Variants in LEKR1 observed in about 807,000 individuals in gnomAD.
LEKR1 encodes protein LEKR1.
Under a neutral mutation model 72.4 loss-of-function variants are expected in LEKR1, and 59 were observed. The observed-to-expected ratio is 0.82, with a 90% confidence interval of 0.66 to 1.01. LEKR1 has a LOEUF of 1.01. LEKR1 is among the 50% of genes least tolerant of loss of function. LEKR1 has a pLI of 0.00. For missense variants in LEKR1, 728 were observed against 759.2 expected (o/e 0.96, Z 0.48); for synonymous variants, 257 against 263.2 (o/e 0.98, Z 0.23).
chr3:156,837,694 A>G (rs920274296), intron 2 of LEKR1, among the ~76,000 whole-genome samples: 8 of 152,238 alleles, frequency 5.3e-5, no homozygotes, highest in Admixed American at 3.3e-4. Context: ...GATTTGCTAC[A>G]GCCTCAGACT....
At chr3:156,941,762 ATG>A (rs1489529894) in intron 5 of LEKR1, among the ~76,000 whole-genome samples, 1 of 152,078 alleles carries the variant, frequency 6.6e-6, no homozygotes, top group Non-Finnish European at 1.5e-5. Context: ...GTGTGTGTTC[ATG>A]TGTTTTAATG....
intron 2 of LEKR1, among the ~76,000 whole-genome samples, chr3:156,847,627 T>G (rs554334378): frequency 1.3e-5 from 2 of 152,318 alleles, no homozygotes; most frequent in South Asian, 4.1e-4. Flanking sequence ...TTTGAAAGGG[T>G]TATTACATTT....
chr3:156,878,070 C>T (rs186082186), intron 3 of LEKR1, among the ~76,000 whole-genome samples: 12 of 151,918 alleles, frequency 7.9e-5, no homozygotes, highest in African/African-American at 2.2e-4. Context: ...TGTGAGCCAC[C>T]GCACTGCCCA....
At chr3:156,845,574 C>A (rs1436751042) in intron 2 of LEKR1, among the ~76,000 whole-genome samples, 1 of 151,812 alleles carries the variant, frequency 6.6e-6, no homozygotes, top group Non-Finnish European at 1.5e-5. Context: ...ATTGTACCAG[C>A]ACCATTTGTT....
At chr3:156,887,315 CTTGAGG>C (rs1720208541) in intron 3 of LEKR1, among the ~76,000 whole-genome samples, 1 of 151,672 alleles carries the variant, frequency 6.6e-6, no homozygotes, top group African/African-American at 2.4e-5. Flanking sequence ...TTGGTGGGCC[CTTGAGG>C]TGCACAGTGC....
At position 157,002,499 on chromosome 3, in the gene LEKR1, C is replaced by T. The variant is rs74703155; in HGVS notation, c.1110-8914C>T. On this transcript the variant is annotated intron_variant, in intron 9 of 12. Transcript: ENST00000356539. Reference sequence around the variant, plus strand: ...TCACACATATAATCATTCCTGTATACGTTACTCACTGCCCATTCCATTCTA... The same window carrying T: ...TCACACATATAATCATTCCTGTATATGTTACTCACTGCCCATTCCATTCTA... 3.4e-4 allele frequency among the ~76,000 whole-genome samples: 52 copies of T among 152,112 alleles called. 1 individual carries two copies. The East Asian group carries it at 9.6e-3, about 28-fold the overall frequency.
chr3:157,028,809 C>T (rs17449793), intron 12 of LEKR1, among the ~76,000 whole-genome samples: 5,076 of 152,244 alleles, frequency 0.033, 101 homozygotes, highest in Admixed American at 0.043. Flanking sequence ...CTTTTAAACA[C>T]AATTTTACCT....
At chr3:156,910,225 A>AAT (rs1187351061) in intron 3 of LEKR1, among the ~76,000 whole-genome samples, 4 of 152,196 alleles carry the variant, frequency 2.6e-5, no homozygotes, top group African/African-American at 9.6e-5. Context: ...TTGAGGTATG[A>AAT]ATAATTCTGT....
chr3:156,827,934 AT>A (rs1350717381), intron 1 of LEKR1, among the ~76,000 whole-genome samples: 1 of 152,216 alleles, frequency 6.6e-6, no homozygotes, highest in East Asian at 1.9e-4. Context: ...TGAAGTTACT[AT>A]TTCATTTTAC....
intron 9 of LEKR1, among the ~76,000 whole-genome samples, chr3:156,998,259 A>C (rs1350691981): frequency 6.6e-6 from 1 of 152,042 alleles, no homozygotes; most frequent in Non-Finnish European, 1.5e-5. Flanking sequence ...ACCTAATTCC[A>C]TCCTTAGGGA....
intron 6 of LEKR1, among the ~76,000 whole-genome samples, chr3:156,976,942 G>GT (rs1210795542): frequency 6.6e-6 from 1 of 152,160 alleles, no homozygotes; most frequent in African/African-American, 2.4e-5. Flanking sequence ...TACCTAATAA[G>GT]TTTTTTCAGA....
intron 12 of LEKR1, among the ~76,000 whole-genome samples, chr3:157,042,778 C>T (rs1395955729): frequency 1.3e-5 from 2 of 152,046 alleles, no homozygotes; most frequent in Non-Finnish European, 2.9e-5. Flanking sequence ...ATATGTTGGC[C>T]TCATTTTTCA....
intron 7 of LEKR1, among the ~76,000 whole-genome samples, chr3:156,982,906 G>A (rs541105607): frequency 4.3e-5 from 6 of 140,808 alleles, no homozygotes; most frequent in African/African-American, 5.0e-5. Context: ...TAGATAGATA[G>A]ATGGAAGAGC....
In LEKR1 at chr3:156,952,780, T is replaced by G. The variant is rs142126585; in HGVS notation, c.745+10066T>G. 2.1e-3 allele frequency among the ~76,000 whole-genome samples: 316 copies of G among 151,598 alleles called. 2 individuals carry two copies. Among genetic ancestry groups the G allele is most frequent in the African/African-American group, 7.5e-3 (309 of 41,450 alleles). The stretch of plus-strand genomic sequence containing the variant: ...TGCAAAGTTATTCTTTGAAGCATAG[T>G]AATACCAAAAGACTGCAAGCAACCT... On this transcript the variant is annotated intron_variant, in intron 6 of 12. Transcript: ENST00000356539.
chr3:156,964,335 G>A (rs903355741), intron 6 of LEKR1, among the ~76,000 whole-genome samples: 1 of 151,870 alleles, frequency 6.6e-6, no homozygotes, highest in Non-Finnish European at 1.5e-5. Flanking sequence ...TCTGTTGTTT[G>A]GATTAATCAT....
Position 156,999,253 on chromosome 3 carries a change from A to C in LEKR1, c.1109+5976A>C, listed in dbSNP as rs187953857. Among the ~76,000 whole-genome samples, 662 of 151,964 alleles carry C rather than the reference A, an allele frequency of 4.4e-3. 2 individuals are homozygous for C. The highest frequency in any genetic ancestry group is 0.015 in the African/African-American group (637 of 41,428). Reference sequence around the variant, plus strand: ...CAGCATGAGAACAGACAGACAATACACTCACTTCAGAAAAGTATACACAAA... The same window carrying C: ...CAGCATGAGAACAGACAGACAATACCCTCACTTCAGAAAAGTATACACAAA... On this transcript the variant is annotated intron_variant, in intron 9 of 12. Transcript: ENST00000356539.
At chr3:157,007,157 C>T (rs892605568) in intron 9 of LEKR1, among the ~76,000 whole-genome samples, 24 of 151,988 alleles carry the variant, frequency 1.6e-4, no homozygotes, top group African/African-American at 5.6e-4. Flanking sequence ...AGCCGAGATC[C>T]GCCATTGCAC....
At chr3:157,036,103 C>T (rs1252794523) in intron 12 of LEKR1, among the ~76,000 whole-genome samples, 1 of 151,896 alleles carries the variant, frequency 6.6e-6, no homozygotes, top group Non-Finnish European at 1.5e-5. Flanking sequence ...AGAAACATCT[C>T]TAATGTGAAG....
intron 6 of LEKR1, among the ~76,000 whole-genome samples, chr3:156,954,920 G>A (rs952286024): frequency 6.6e-6 from 1 of 151,982 alleles, no homozygotes; most frequent in African/African-American, 2.4e-5. Flanking sequence ...AATGGGAATA[G>A]CATTGAATCT....
Sources: allele counts gnomAD v4.1 joint callset (sites outside exome capture counted in the v4.1 genomes callset), GRCh38; gene constraint gnomAD v4.1.1; transcripts MANE v1.5; gene names NCBI Gene and HGNC (gene_info 2026-07-23, HGNC 2026-07-21).